Variants in PXDNL observed in about 807,000 individuals in gnomAD.
The protein encoded by PXDNL is probable oxidoreductase PXDNL.
A neutral mutation model predicts 150.8 loss-of-function variants in PXDNL; 145 were observed. The observed-to-expected ratio is 0.96, with a 90% CI of 0.84 to 1.10. PXDNL has a LOEUF of 1.10. Ranked by LOEUF, PXDNL falls within the 50% of genes least tolerant of loss-of-function variation. The pLI, the probability that PXDNL is intolerant of heterozygous loss-of-function variation, is 0.00. For synonymous variants in PXDNL, 757 were observed against 725.7 expected, an observed-to-expected ratio of 1.04 and a Z score of -0.69; for missense variants, 2,087 against 1,873.9, an observed-to-expected ratio of 1.11 and a Z score of -2.10.
chr8:51,488,962 C>G (rs1379498733), intron 5 of PXDNL, among the ~76,000 whole-genome samples: 1 of 152,082 alleles, frequency 6.6e-6, no homozygotes, highest in African/African-American at 2.4e-5. Flanking sequence ...GGATAAGTTT[C>G]TATAGAAGAC....
chr8:51,676,491 G>A (rs978296175), intron 1 of PXDNL, among the ~76,000 whole-genome samples: 2 of 151,624 alleles, frequency 1.3e-5, no homozygotes, highest in Non-Finnish European at 2.9e-5. Flanking sequence ...TGGCCAGGCT[G>A]GTCTCGAACT....
chr8:51,620,629 C>T (rs1057439188), intron 2 of PXDNL, among the ~76,000 whole-genome samples: 3 of 151,950 alleles, frequency 2.0e-5, no homozygotes, highest in Non-Finnish European at 2.9e-5. Flanking sequence ...CTGCAACCTC[C>T]GCCTCCCAGG....
intron 6 of PXDNL, among the ~76,000 whole-genome samples, chr8:51,480,198 C>A (rs1470417523): frequency 3.3e-5 from 5 of 152,122 alleles, no homozygotes; most frequent in Admixed American, 2.0e-4. Flanking sequence ...GCAACCACAA[C>A]AAAAGTGGCC....
chr8:51,542,112 T>A (rs1812229924), intron 4 of PXDNL, among the ~76,000 whole-genome samples: 1 of 152,160 alleles, frequency 6.6e-6, no homozygotes, highest in Non-Finnish European at 1.5e-5. Flanking sequence ...AGTCTACGTT[T>A]TATTCTGAAT....
At chr8:51,688,268 C>G (rs769233426) in intron 1 of PXDNL, among the ~76,000 whole-genome samples, 2 of 151,576 alleles carry the variant, frequency 1.3e-5, no homozygotes, top group African/African-American at 4.8e-5. Context: ...GCATGTCAGC[C>G]TCATAGTCAG....
At chr8:51,568,788 T>C (rs1053890216) in intron 3 of PXDNL, among the ~76,000 whole-genome samples, 2 of 151,902 alleles carry the variant, frequency 1.3e-5, no homozygotes, top group Non-Finnish European at 2.9e-5. Context: ...TGTTTCATTT[T>C]TCCATCCTTT....
chr8:51,434,075 A>T (rs1809328544), intron 12 of PXDNL, among the ~76,000 whole-genome samples: 1 of 152,104 alleles, frequency 6.6e-6, no homozygotes, highest in Non-Finnish European at 1.5e-5. Context: ...GAACACTTTG[A>T]TGGATATACA....
intron 15 of PXDNL, among the ~76,000 whole-genome samples, chr8:51,412,056 C>G (rs944294476): frequency 6.6e-6 from 1 of 152,164 alleles, no homozygotes; most frequent in Admixed American, 6.5e-5. Context: ...AAATACCAAG[C>G]CCACTGACCA....
At position 51,787,100 on chromosome 8, in the gene PXDNL, G is replaced by GAAA. The variant is rs61051633; in HGVS notation, c.164+22078_164+22080dup. Among the ~76,000 whole-genome samples the GAAA allele has an allele frequency of 5.7e-3, 797 of 140,890 alleles. 13 individuals carry two copies. The highest frequency in any genetic ancestry group is 0.014 in the African/African-American group (531 of 37,882). The allele number at this position is 140,890 out of a possible 152,430, so 92.4% of individuals were successfully genotyped here. On this transcript the variant is annotated intron_variant, in intron 1 of 22. Coordinates refer to ENST00000356297, the MANE Select transcript of PXDNL (RefSeq NM_144651.5). ...GTCTACTGCTGCAACCTACTTCCCA[G>GAAA]AAAAAAAAAAAAAAAGAATCTTTTC...
chr8:51,360,042 C>CAAAAAAAA (rs1366137848), intron 19 of PXDNL, among the ~76,000 whole-genome samples: 3 of 85,612 alleles, frequency 3.5e-5, no homozygotes, highest in African/African-American at 7.3e-5. Flanking sequence ...AAGAGAAAAG[C>CAAAAAAAA]AAAAAAAAAA....
intron 12 of PXDNL, among the ~76,000 whole-genome samples, chr8:51,441,612 C>G (rs1333188103): frequency 6.6e-6 from 1 of 152,144 alleles, no homozygotes; most frequent in Non-Finnish European, 1.5e-5. Flanking sequence ...CAGTTTTTTC[C>G]TAATATACAT....
intron 2 of PXDNL, among the ~76,000 whole-genome samples, chr8:51,606,178 C>T (rs1813835161): frequency 6.6e-6 from 1 of 152,086 alleles, no homozygotes; most frequent in African/African-American, 2.4e-5. Flanking sequence ...TACTCATATA[C>T]GTGCCATGAG....
chr8:51,796,496 C>T (rs1028254497), intron 1 of PXDNL, among the ~76,000 whole-genome samples: 2 of 152,142 alleles, frequency 1.3e-5, no homozygotes, highest in South Asian at 2.1e-4. Context: ...GGGGTTATCA[C>T]CACTGACCCC....
chr8:51,325,595 CT>C (rs1226518921), intron 21 of PXDNL, among the ~76,000 whole-genome samples: 6 of 152,186 alleles, frequency 3.9e-5, no homozygotes, highest in Non-Finnish European at 8.8e-5. Context: ...TCATCACCCC[CT>C]GGTAAATGGA....
chr8:51,641,592 A>G (rs1168361674), intron 2 of PXDNL, among the ~76,000 whole-genome samples: 2 of 151,806 alleles, frequency 1.3e-5, no homozygotes, highest in African/African-American at 4.8e-5. Flanking sequence ...GCAGCCAAAA[A>G]ACACATGAAA....
rs549196474 is a variant in PXDNL at position 51,743,384 on chromosome 8, A to AT, written c.164+65796dup. On this transcript the variant is annotated intron_variant, in intron 1 of 22. Coordinates refer to ENST00000356297, the MANE Select transcript of PXDNL (RefSeq NM_144651.5). ...AAGTGCCTGCCACCGTGCCTGGCTA[A>AT]TTTTTTTTTTTAAAGACAGAGTCTT... Among the ~76,000 whole-genome samples, 281 of 148,216 alleles carry AT rather than the reference A, an allele frequency of 1.9e-3. 1 individual carries two copies. Among genetic ancestry groups the AT allele is most frequent in the African/African-American group, 5.6e-3 (227 of 40,474 alleles).
At chr8:51,583,969 G>A (rs1289709411) in intron 3 of PXDNL, among the ~76,000 whole-genome samples, 5 of 152,176 alleles carry the variant, frequency 3.3e-5, no homozygotes, top group Non-Finnish European at 7.4e-5. Context: ...GGACCTTCCA[G>A]AGGTTCCTCA....
chr8:51,423,741 A>G lies in PXDNL; in HGVS notation c.1639-10T>C. On this transcript the variant is annotated splice_polypyrimidine_tract_variant and intron_variant, in intron 13 of 22. Transcript: ENST00000356297. ...TAATCTGCACACCTTCCTAGGGAGCAAAAAAGAGTTGCCACTGAATGAGTG... is the reference window on the plus strand; with the variant it reads ...TAATCTGCACACCTTCCTAGGGAGCGAAAAAGAGTTGCCACTGAATGAGTG... 1.9e-6 allele frequency: 3 copies of G among 1,601,756 alleles called. No homozygotes were observed. The highest frequency in any genetic ancestry group is 2.6e-6 in the Non-Finnish European group (3 of 1,175,100).
chr8:51,416,333 A>G (rs558888937), intron 14 of PXDNL, among the ~76,000 whole-genome samples: 1 of 152,334 alleles, frequency 6.6e-6, no homozygotes, highest in East Asian at 1.9e-4. Flanking sequence ...TAAAGTATAA[A>G]TTTCAGGAAA....
Sources: gnomAD v4.1 joint callset for allele counts (sites outside exome capture counted in the v4.1 genomes callset) on GRCh38, gnomAD v4.1.1 for gene constraint, MANE v1.5 for transcripts, NCBI Gene and HGNC (gene_info 2026-07-23, HGNC 2026-07-21) for gene names.